ITGB3: variants seen among roughly 807,000 people sequenced by gnomAD.
ITGB3 encodes the protein integrin subunit beta 3.
In ITGB3, 48 loss-of-function variants were observed where a neutral mutation model predicts 85.8. That is an observed-to-expected ratio of 0.56 (90% confidence interval 0.44 to 0.71). The LOEUF is 0.71. Among genes scored for constraint, ITGB3 ranks in the 30% least tolerant of loss-of-function variants. ITGB3 has a pLI of 0.00. For missense variants in ITGB3, 861 were observed against 1,019.1 expected (o/e 0.84, Z 2.11); for synonymous variants, 363 against 395.6 (o/e 0.92, Z 0.98).
chr17:47,276,101 A>G (rs1315519375), intron 2 of ITGB3, among the ~76,000 whole-genome samples: 2 of 152,162 alleles, frequency 1.3e-5, no homozygotes, highest in Non-Finnish European at 2.9e-5. Flanking sequence ...GAGCAGAGGA[A>G]GGTCAGGACA....
At position 47,312,147 on chromosome 17, in the gene ITGB3, C is replaced by A. The variant is rs2065217673; in HGVS notation, c.*1943C>A. On this transcript the variant is annotated 3_prime_UTR_variant, in exon 15 of 15. Coordinates refer to ENST00000559488, the MANE Select transcript of ITGB3 (RefSeq NM_000212.3). ...TCCTCTCTCCAAACCCGTTTTCCAA[C>A]ATTTGTTAATAGTTACGTCTCTCCT... 6.6e-6 allele frequency among the ~76,000 whole-genome samples: 1 copy of A among 152,244 alleles called. No homozygotes were observed. Among genetic ancestry groups the A allele is most frequent in the South Asian group, 2.1e-4 (1 of 4,832 alleles).
In ITGB3 at chr17:47,307,555, T is replaced by C; in HGVS notation, c.2219T>C (p.Ile740Thr). ...ILLIGLAALL[I>T]WKLLITIHDR... Reference sequence around the variant, plus strand: ...CTCATTGGCCTTGCCGCCCTGCTCATCTGGAAACTCCTCATCACCATCCAC... The same window carrying C: ...CTCATTGGCCTTGCCGCCCTGCTCACCTGGAAACTCCTCATCACCATCCAC... The change falls in exon 14 of 15, where the codon ATC (isoleucine) becomes ACC (threonine). Residue 740 changes from isoleucine to threonine, a missense_variant. Transcript: ENST00000559488. 2 of 1,614,230 alleles carry C rather than the reference T, an allele frequency of 1.2e-6. No individual in the cohort carries two copies. The highest frequency in any genetic ancestry group is 1.7e-6 in the Non-Finnish European group (2 of 1,180,052).
intron 8 of ITGB3, 72 bp downstream of exon 8, chr17:47,290,346 T>C (rs2065120148): frequency 7.8e-7 from 1 of 1,287,542 alleles, no homozygotes; most frequent in Admixed American, 1.7e-5. Context: ...GGGCTCAGAT[T>C]TGTGAGTCCC....
intron 13 of ITGB3, among the ~76,000 whole-genome samples, chr17:47,303,204 C>T (rs55706706): frequency 0.086 from 13,021 of 151,960 alleles, 600 homozygotes; most frequent in East Asian, 0.19. Context: ...GAGCTGAGAT[C>T]GCGCCACTGC....
rs1035751500 is a variant in ITGB3 at position 47,312,137 on chromosome 17, C to T, written c.*1933C>T. Among the ~76,000 whole-genome samples the T allele has an allele frequency of 2.0e-5, 3 of 152,198 alleles. No individual in the cohort carries two copies. Among genetic ancestry groups the T allele is most frequent in the South Asian group, 2.1e-4 (1 of 4,830 alleles). On this transcript the variant is annotated 3_prime_UTR_variant, in exon 15 of 15. Transcript: ENST00000559488. Reference sequence around the variant, plus strand: ...TCTCATTCTATCCTCTCTCCAAACCCGTTTTCCAACATTTGTTAATAGTTA... The same window carrying T: ...TCTCATTCTATCCTCTCTCCAAACCTGTTTTCCAACATTTGTTAATAGTTA...
chr17:47,307,030 G>A (rs2065190956), intron 13 of ITGB3, among the ~76,000 whole-genome samples: 1 of 152,096 alleles, frequency 6.6e-6, no homozygotes, highest in African/African-American at 2.4e-5. Context: ...AGGGGTACAT[G>A]TGTGGGTTTG....
chr17:47,283,819 T>G (rs1598689655), intron 3 of ITGB3, among the ~76,000 whole-genome samples: 1 of 152,292 alleles, frequency 6.6e-6, no homozygotes, highest in South Asian at 2.1e-4. Context: ...TAGTAGGTGC[T>G]CAAAAAATAT....
Position 47,290,187 on chromosome 17 carries a change from C to T in ITGB3, c.1038C>T (p.Asn346=). 6.2e-7 allele frequency: 1 copy of T among 1,613,188 alleles called. No individual in the cohort carries two copies. Among genetic ancestry groups the T allele is most frequent in the Non-Finnish European group, 8.5e-7 (1 of 1,179,154 alleles). Residue 346 remains asparagine, a splice_region_variant and synonymous_variant, in exon 8 of 15, where the codon AAC becomes AAT. Transcript: ENST00000559488. ...VTENVVNLYQ[N]YSELIPGTTV... is the part of the protein sequence containing the mutation. ...GACATCTTTGTTTTCCTTTCTAGAA[C>T]TATAGTGAGCTCATCCCAGGGACCA...
At chr17:47,263,251 C>T (rs2065014558) in intron 1 of ITGB3, among the ~76,000 whole-genome samples, 1 of 152,164 alleles carries the variant, frequency 6.6e-6, no homozygotes, top group Non-Finnish European at 1.5e-5. Flanking sequence ...TTAGAGAAGA[C>T]AGGACTCTGT....
chr17:47,303,053 G>A (rs2065173427), intron 13 of ITGB3, among the ~76,000 whole-genome samples: 1 of 152,150 alleles, frequency 6.6e-6, no homozygotes, highest in African/African-American at 2.4e-5. Context: ...TTCAATACCA[G>A]CCTGGCCAAC....
intron 13 of ITGB3, chr17:47,305,513 A>ATT (rs1267193001): frequency 1.3e-5 from 2 of 152,212 alleles, no homozygotes; most frequent in Non-Finnish European, 2.9e-5. Flanking sequence ...AAGATCACCT[A>ATT]TTAGATACCT....
In ITGB3 at chr17:47,299,388, G is replaced by C. The variant is rs554164072; in HGVS notation, c.1771G>C (p.Asp591His). The C allele has an allele frequency of 1.7e-5, 28 of 1,614,244 alleles. No homozygotes were observed. The East Asian group carries it at 5.3e-4, about 31-fold the overall frequency. The change falls in exon 11 of 15, where the codon GAC becomes CAC. Residue 591 changes from aspartate to histidine, a missense_variant. Asp to His is a moderately conservative substitution (Grantham distance 81, BLOSUM62 -1). Transcript: ENST00000559488. The surrounding 1 kb of genome is among the most constrained non-coding windows in gnomAD (Gnocchi z 5.1). ...GYYCNCTTRT[D>H]TCMSSNGLLC... ...CTACTGCAACTGTACCACGCGTACT[G>C]ACACCTGCATGTCCAGCAATGGGCT...
At chr17:47,265,977 G>T (rs1736216802) in intron 1 of ITGB3, among the ~76,000 whole-genome samples, 1 of 152,114 alleles carries the variant, frequency 6.6e-6, no homozygotes, top group Non-Finnish European at 1.5e-5. Flanking sequence ...CCTTCCTTGG[G>T]TTACTTAGCT....
At chr17:47,265,896 G>A (rs1421693853) in intron 1 of ITGB3, among the ~76,000 whole-genome samples, 1 of 152,170 alleles carries the variant, frequency 6.6e-6, no homozygotes, top group East Asian at 1.9e-4. Flanking sequence ...TTTGGGTGAT[G>A]CTTACTGGAG....
At chr17:47,298,803 G>A (rs147136751) in intron 10 of ITGB3, among the ~76,000 whole-genome samples, 1 of 152,328 alleles carries the variant, frequency 6.6e-6, no homozygotes, top group Non-Finnish European at 1.5e-5. Flanking sequence ...CGCTGTGTCA[G>A]GTCAAAGGGA....
At chr17:47,298,446 C>T (rs940564290) in intron 10 of ITGB3, among the ~76,000 whole-genome samples, 5 of 152,154 alleles carry the variant, frequency 3.3e-5, no homozygotes, top group African/African-American at 4.8e-5. Flanking sequence ...TTCTCAGTGC[C>T]GTCCCTCTGC....
Position 47,253,942 on chromosome 17 carries a change from T to C in ITGB3, c.79+2T>C. 7.1e-7 allele frequency: 1 copy of C among 1,412,958 alleles called. No individual in the cohort carries two copies. Among genetic ancestry groups the C allele is most frequent in the South Asian group, 1.4e-5 (1 of 68,986 alleles). 87.5% of individuals were successfully genotyped at this position (1,412,958 alleles called of 1,614,324 possible). A position where few individuals can be genotyped will look rare whatever the true frequency, so the allele number is the denominator to read the frequency against. ...CGCTGGCGGGCGTTGGCGTAGGAGG[T>C]GAGTGAGGCTCCGGCTCGGCAGCGT... On this transcript the variant is annotated splice_donor_variant, in intron 1 of 14. Coordinates refer to ENST00000559488, the MANE Select transcript of ITGB3 (RefSeq NM_000212.3). LOFTEE classifies it high-confidence loss of function.
chr17:47,310,046 C>A, intron 14 of ITGB3, 93 bp from the exon 15 acceptor site: 1 of 1,067,652 alleles, frequency 9.4e-7, no homozygotes, highest in Non-Finnish European at 1.5e-6. Flanking sequence ...GAGAACGGTG[C>A]CTTGGGAAAA....
chr17:47,263,938 A>T (rs1002503212), intron 1 of ITGB3, among the ~76,000 whole-genome samples: 1 of 152,228 alleles, frequency 6.6e-6, no homozygotes, highest in Non-Finnish European at 1.5e-5. Flanking sequence ...TCTGAAAAGG[A>T]ATTGGGAGGA....
Sources: allele counts gnomAD v4.1 joint callset (sites outside exome capture counted in the v4.1 genomes callset), GRCh38; gene constraint gnomAD v4.1.1; non-coding constraint Gnocchi (gnomAD v3.1); transcripts MANE v1.5; gene names NCBI Gene and HGNC (gene_info 2026-07-23, HGNC 2026-07-21).